Variants in DOP1A observed in about 807,000 individuals in gnomAD.
The protein encoded by DOP1A is DOP1 leucine zipper like protein A.
In DOP1A, 90 loss-of-function variants were observed where a neutral mutation model predicts 267.6. The ratio of observed to expected loss-of-function variants is 0.34; its 90% CI spans 0.28 to 0.40. The LOEUF is 0.40. DOP1A is among the 10% of genes least tolerant of loss of function. The pLI, the probability that DOP1A is intolerant of heterozygous loss-of-function variation, is 1.00. For missense variants in DOP1A, 2,437 were observed against 2,900.4 expected (o/e 0.84, Z 3.67); for synonymous variants, 932 against 999.1 (o/e 0.93, Z 1.27).
Position 83,137,821 on chromosome 6 carries a change from C to A in DOP1A, c.3779C>A (p.Ser1260Tyr). 4 of 1,613,776 alleles carry A rather than the reference C, an allele frequency of 2.5e-6. No homozygotes were observed. Among genetic ancestry groups the A allele is most frequent in the Non-Finnish European group, 3.4e-6 (4 of 1,179,848 alleles). Residue 1260 changes from serine to tyrosine, a missense_variant, in exon 21 of 39, where the codon TCT (serine) becomes TAT (tyrosine). Transcript: ENST00000349129. ...DSSVASIETK[S>Y]RQRSHSSIQF... ...TCTGTTGCTTCCATAGAAACCAAAT[C>A]TAGACAAAGGAGTCACAGTAGTATT...
At position 83,135,720 on chromosome 6, in the gene DOP1A, C is replaced by T. The variant is rs1778775913; in HGVS notation, c.2972C>T (p.Ala991Val). 1.2e-6 allele frequency: 2 copies of T among 1,613,568 alleles called. No individual in the cohort carries two copies. Among genetic ancestry groups the T allele is most frequent in the Non-Finnish European group, 8.5e-7 (1 of 1,179,708 alleles). ...LNQVLQRHDI[A>V]RVLEPLLLLL... ...CAAGTCCTACAAAGACATGATATTG[C>T]ACGAGTTTTGGAACCATTGCTATTG... Residue 991 changes from alanine (A) to valine (V), a missense_variant, in exon 20 of 39, where the codon GCA (alanine) becomes GTA (valine). Ala to Val is a moderately conservative substitution (Grantham distance 64). This residue lies in a region of DOP1A where 878 missense variants were observed against 992.9 expected (regional missense o/e 0.88). Coordinates refer to ENST00000349129, the MANE Select transcript of DOP1A (RefSeq NM_015018.4).
Position 83,159,790 on chromosome 6 carries a change from T to C in DOP1A, c.6798-6T>C, listed in dbSNP as rs1052774030. The C allele has an allele frequency of 1.2e-6, 2 of 1,613,992 alleles. No individual in the cohort carries two copies. The highest frequency in any genetic ancestry group is 2.7e-5 in the African/African-American group (2 of 74,920). ...AGCTGCTGACAGCACTGTCTCCTGC[T>C]TACAGGACTTCAGGGCCCTCTGTGG... is the stretch of plus-strand genomic sequence containing the variant. On this transcript the variant is annotated splice_polypyrimidine_tract_variant and splice_region_variant and intron_variant, in intron 36 of 38. Transcript: ENST00000349129.
chr6:83,091,402 T>G (rs1262044603), intron 1 of DOP1A, among the ~76,000 whole-genome samples: 5 of 151,722 alleles, frequency 3.3e-5, no homozygotes, highest in African/African-American at 1.2e-4. Flanking sequence ...TATTTTGTTT[T>G]ATATGTTTGA....
At chr6:83,114,956 T>C (rs1015436559) in intron 7 of DOP1A, among the ~76,000 whole-genome samples, 7 of 152,226 alleles carry the variant, frequency 4.6e-5, no homozygotes, top group African/African-American at 9.6e-5. Flanking sequence ...ATAAGGATTA[T>C]GACGTAGGTA....
intron 4 of DOP1A, among the ~76,000 whole-genome samples, chr6:83,105,521 T>C (rs1439948704): frequency 2.6e-5 from 4 of 151,906 alleles, no homozygotes; most frequent in Admixed American, 2.0e-4. Flanking sequence ...CATGCTACCA[T>C]ACCCAGCTAA....
intron 20 of DOP1A, 111 bp downstream of exon 20, chr6:83,135,989 C>CTTATT: frequency 7.8e-7 from 1 of 1,275,204 alleles, no homozygotes; most frequent in Non-Finnish European, 1.1e-6. Flanking sequence ...TCTCCATGGG[C>CTTATT]TTATTTTCTC....
chr6:83,137,968 A>G lies in DOP1A; in HGVS notation c.3926A>G (p.Asp1309Gly). The part of the protein sequence containing the change: ...KVKLARKKDD[D>G]KKKSSNEKLK... Reference sequence around the variant, plus strand: ...AAACTTGCCAGAAAAAAGGATGATGACAAGAAAAAATCTTCAAATGAAAAA... The same window carrying G: ...AAACTTGCCAGAAAAAAGGATGATGGCAAGAAAAAATCTTCAAATGAAAAA... Residue 1309 changes from aspartate (D) to glycine (G), a missense_variant, in exon 21 of 39, where the codon GAC (aspartate) becomes GGC (glycine). Transcript: ENST00000349129. 6.2e-7 allele frequency: 1 copy of G among 1,605,388 alleles called. No individual in the cohort carries two copies. The highest frequency in any genetic ancestry group is 8.5e-7 in the Non-Finnish European group (1 of 1,177,514).
chr6:83,154,405 A>G (rs1782320221), intron 33 of DOP1A, 164 bp downstream of exon 33: 1 of 619,192 alleles, frequency 1.6e-6, no homozygotes, highest in Non-Finnish European at 2.8e-6. Flanking sequence ...TCTGTACGCT[A>G]TGGGAATATA....
intron 9 of DOP1A, among the ~76,000 whole-genome samples, chr6:83,120,299 A>G (rs898628651): frequency 6.6e-6 from 1 of 151,940 alleles, no homozygotes. Context: ...AGGTTATAAG[A>G]ATATAGTTGT....
At chr6:83,132,098 C>A (rs1053582235) in intron 17 of DOP1A, 78 bp from the exon 18 acceptor site, 3 of 1,516,126 alleles carry the variant, frequency 2.0e-6, no homozygotes, top group East Asian at 4.6e-5. Context: ...AGCAGGCATT[C>A]ATTTGTACCT....
chr6:83,159,828 C>T lies in DOP1A; in HGVS notation c.6830C>T (p.Thr2277Ile), dbSNP rs764395084. Reference protein sequence around the residue: ...TSGPSVAGLETTYTGGNGFST... With the variant: ...TSGPSVAGLEITYTGGNGFST... ...GGGCCCTCTGTGGCTGGTCTGGAGA[C>T]AACGTACACAGGAGGTAATGGCTTC... The change falls in exon 37 of 39, where the codon ACA (threonine) becomes ATA (isoleucine). Residue 2277 changes from threonine (T) to isoleucine (I), a missense_variant. By Grantham distance (89) the Thr-to-Ile change is moderately conservative. Around this residue, in one of 9 missense-constraint regions of DOP1A, gnomAD observed 197 missense variants for 246.5 expected, o/e 0.80. Transcript: ENST00000349129. The T allele has an allele frequency of 6.2e-7, 1 of 1,614,166 alleles. No individual in the cohort carries two copies. Among genetic ancestry groups the T allele is most frequent in the Non-Finnish European group, 8.5e-7 (1 of 1,180,048 alleles).
chr6:83,170,575 A>G, downstream of DOP1A: 1 of 897,468 alleles, frequency 1.1e-6, no homozygotes, highest in South Asian at 1.9e-5. Flanking sequence ...CAGACTAAAT[A>G]TAAAATTACA....
At chr6:83,093,676 C>T (rs1026287002) in intron 1 of DOP1A, among the ~76,000 whole-genome samples, 6 of 152,216 alleles carry the variant, frequency 3.9e-5, no homozygotes, top group Non-Finnish European at 1.5e-5. Flanking sequence ...GGGAGGCCAG[C>T]GCAGGCAGAT....
intron 7 of DOP1A, among the ~76,000 whole-genome samples, chr6:83,113,807 T>A (rs1039674641): frequency 2.0e-5 from 3 of 152,188 alleles, no homozygotes; most frequent in African/African-American, 2.4e-5. Context: ...GAGTTGACTA[T>A]AACTTAAGAG....
rs933908142 is a variant in DOP1A at position 83,145,530 on chromosome 6, C to A, written c.5548C>A (p.Pro1850Thr). 7 of 1,593,136 alleles carry A rather than the reference C, an allele frequency of 4.4e-6. No individual in the cohort carries two copies. Reference sequence around the variant, plus strand: ...ACAATGATTTATTACCTAGGTCATTCCTGCAGCCAGTGAAGAACAGCTTTT... The same window carrying A: ...ACAATGATTTATTACCTAGGTCATTACTGCAGCCAGTGAAGAACAGCTTTT... Reference protein sequence around the residue: ...NKTTTRTKVIPAASEEQLLLV... With the variant: ...NKTTTRTKVITAASEEQLLLV... Residue 1850 changes from proline (P) to threonine (T), a missense_variant, in exon 25 of 39, where the codon CCT (proline) becomes ACT (threonine). By Grantham distance (38) the Pro-to-Thr change is conservative. This residue lies in a region of DOP1A where 307 missense variants were observed against 308.6 expected (regional missense o/e 0.99). Transcript: ENST00000349129.
intron 37 of DOP1A, 106 bp downstream of exon 37, chr6:83,160,066 C>A: frequency 9.4e-7 from 1 of 1,068,578 alleles, no homozygotes; most frequent in Non-Finnish European, 1.4e-6. Context: ...TTGAAATATT[C>A]CTAATTTTTA....
chr6:83,167,299 G>C (rs966752887), intron 38 of DOP1A: 1 of 985,280 alleles, frequency 1.0e-6, no homozygotes. Flanking sequence ...AACCCAGAAG[G>C]AGACAGCAGT....
rs753299331 is a variant in DOP1A at position 83,167,830 on chromosome 6, A to G, written c.7093-32A>G. On this transcript the variant is annotated intron_variant, in intron 38 of 38. Coordinates refer to ENST00000349129, the MANE Select transcript of DOP1A (RefSeq NM_015018.4). ...TCTAACATACCACATTGTCTGTTGT[A>G]TTAATACCAGTTCACTTTTTGTTTT... The G allele has an allele frequency of 3.2e-6, 5 of 1,581,414 alleles. No homozygotes were observed. The Admixed American group carries it at 5.5e-5, about 17-fold the overall frequency.
intron 30 of DOP1A, among the ~76,000 whole-genome samples, 156 bp downstream of exon 30, chr6:83,152,523 G>T (rs1028547): frequency 0.038 from 5,762 of 151,678 alleles, 182 homozygotes; most frequent in African/African-American, 0.074. Flanking sequence ...GGCCTTGTAT[G>T]TATTTGGATT....
Sources: allele counts gnomAD v4.1 joint callset (sites outside exome capture counted in the v4.1 genomes callset), GRCh38; gene constraint gnomAD v4.1.1; regional missense constraint gnomAD v4.1.1; transcripts MANE v1.5; gene names NCBI Gene and HGNC (gene_info 2026-07-23, HGNC 2026-07-21).